Variants in FAM13A observed in about 807,000 individuals in gnomAD.
The protein encoded by FAM13A is family with sequence similarity 13 member A.
In FAM13A, 76 loss-of-function variants were observed where a neutral mutation model predicts 129.6. The observed-to-expected ratio is 0.59, with a 90% CI of 0.49 to 0.71. The LOEUF is 0.71. Among genes scored for constraint, FAM13A ranks in the 30% least tolerant of loss-of-function variants. FAM13A has a pLI of 0.00. For missense variants in FAM13A, 1,108 were observed against 1,249.3 expected (o/e 0.89, Z 1.70); for synonymous variants, 443 against 449.9 (o/e 0.98, Z 0.20).
At chr4:88,950,996 G>A (rs1483233749) in intron 4 of FAM13A, among the ~76,000 whole-genome samples, 2 of 152,204 alleles carry the variant, frequency 1.3e-5, no homozygotes, top group East Asian at 1.9e-4. Context: ...GTAAAGGGAG[G>A]TGGGGCTCAG....
At chr4:88,801,460 C>T (rs1364959602) in intron 8 of FAM13A, among the ~76,000 whole-genome samples, 1 of 152,184 alleles carries the variant, frequency 6.6e-6, no homozygotes. Flanking sequence ...TCAGTTTGCA[C>T]TGTGAGTATT....
At chr4:88,800,696 C>CAAAAAAAAAAAAAAAA (rs1185321303) in intron 8 of FAM13A, among the ~76,000 whole-genome samples, 1 of 54,086 alleles carries the variant, frequency 1.8e-5, no homozygotes, top group Non-Finnish European at 3.8e-5. Context: ...GAAACAAAAA[C>CAAAAAAAAAAAAAAAA]AAAAAAAAAA....
intron 10 of FAM13A, among the ~76,000 whole-genome samples, chr4:88,782,652 T>C (rs1314458873): frequency 6.6e-6 from 1 of 152,198 alleles, no homozygotes; most frequent in African/African-American, 2.4e-5. Context: ...TAACACTCCA[T>C]ATTTTAGTCT....
chr4:88,960,734 C>G (rs879217148), intron 4 of FAM13A, among the ~76,000 whole-genome samples: 9 of 152,090 alleles, frequency 5.9e-5, no homozygotes, highest in Admixed American at 2.0e-4. Flanking sequence ...GTGTGACAGG[C>G]ATTGTCTTTT....
intron 6 of FAM13A, among the ~76,000 whole-genome samples, chr4:88,860,285 G>T (rs576734360): frequency 6.6e-6 from 1 of 152,304 alleles, no homozygotes; most frequent in Middle Eastern, 3.4e-3. Context: ...AAATTAAGCA[G>T]CCCAGATTTC....
At chr4:88,934,034 T>C (rs1753464327) in intron 5 of FAM13A, among the ~76,000 whole-genome samples, 1 of 152,146 alleles carries the variant, frequency 6.6e-6, no homozygotes, top group African/African-American at 2.4e-5. Context: ...ACCAGGTATA[T>C]TCACATCTCA....
At chr4:88,993,039 A>C (rs913161735) in intron 3 of FAM13A, among the ~76,000 whole-genome samples, 85 of 152,336 alleles carry the variant, frequency 5.6e-4, no homozygotes, top group African/African-American at 1.9e-3. Flanking sequence ...CAAATCAGAC[A>C]CAGTGACATT....
chr4:89,018,996 AC>A (rs960367360), intron 3 of FAM13A, among the ~76,000 whole-genome samples: 12 of 152,342 alleles, frequency 7.9e-5, no homozygotes, highest in African/African-American at 2.9e-4. Context: ...CCTGGAGGTC[AC>A]CACGGGAGGC....
chr4:88,870,741 C>A (rs1335655284), intron 6 of FAM13A, among the ~76,000 whole-genome samples: 1 of 152,200 alleles, frequency 6.6e-6, no homozygotes, highest in Non-Finnish European at 1.5e-5. Context: ...CTTAAACGTC[C>A]CTGTCTGACA....
chr4:88,794,217 G>C (rs1725725451), intron 8 of FAM13A, among the ~76,000 whole-genome samples: 1 of 151,920 alleles, frequency 6.6e-6, no homozygotes, highest in South Asian at 2.1e-4. Flanking sequence ...TGGAAAGAAA[G>C]ATGCTCACTC....
intron 3 of FAM13A, among the ~76,000 whole-genome samples, chr4:89,002,943 A>G (rs1764454479): frequency 6.6e-6 from 1 of 152,192 alleles, no homozygotes; most frequent in Non-Finnish European, 1.5e-5. Context: ...AAAATAAATG[A>G]GGAAATTTCA....
chr4:89,051,650 C>T (rs1461786876), intron 1 of FAM13A, among the ~76,000 whole-genome samples: 1 of 152,060 alleles, frequency 6.6e-6, no homozygotes, highest in Non-Finnish European at 1.5e-5. Context: ...ACAATTCATA[C>T]TGAGGCAAAC....
chr4:88,934,091 A>C (rs1045599253), intron 5 of FAM13A, among the ~76,000 whole-genome samples: 3 of 152,052 alleles, frequency 2.0e-5, no homozygotes, highest in Non-Finnish European at 4.4e-5. Flanking sequence ...TCTTCTCTCA[A>C]GTGTCTTCAT....
At chr4:88,984,578 A>C (rs904872384) in intron 4 of FAM13A, among the ~76,000 whole-genome samples, 2 of 152,166 alleles carry the variant, frequency 1.3e-5, no homozygotes, top group Non-Finnish European at 2.9e-5. Flanking sequence ...AATCAAAACC[A>C]AAATGAAATA....
chr4:88,988,615 T>C (rs1762557846), intron 4 of FAM13A, among the ~76,000 whole-genome samples: 1 of 152,086 alleles, frequency 6.6e-6, no homozygotes. Context: ...CTTCAAATTG[T>C]ATGACTGAAA....
At chr4:89,001,601 C>G (rs1425094059) in intron 3 of FAM13A, among the ~76,000 whole-genome samples, 1 of 152,114 alleles carries the variant, frequency 6.6e-6, no homozygotes, top group African/African-American at 2.4e-5. Context: ...ATATCATATG[C>G]TTGTTATGGA....
chr4:88,853,828 G>A (rs1738029353), intron 6 of FAM13A, among the ~76,000 whole-genome samples: 2 of 152,240 alleles, frequency 1.3e-5, no homozygotes, highest in Non-Finnish European at 1.5e-5. Context: ...AGCAGGCAGA[G>A]GAACGTGGAA....
intron 5 of FAM13A, among the ~76,000 whole-genome samples, chr4:88,927,205 T>A (rs558745239): frequency 4.2e-4 from 64 of 152,216 alleles, no homozygotes; most frequent in Non-Finnish European, 5.0e-4. Flanking sequence ...ATGTATATTT[T>A]TTTTTTTGTA....
intron 4 of FAM13A, among the ~76,000 whole-genome samples, chr4:88,976,943 T>C (rs1054058324): frequency 1.3e-5 from 2 of 152,196 alleles, no homozygotes; most frequent in African/African-American, 4.8e-5. Flanking sequence ...CAATAGTCTA[T>C]ACCATATAGC....
Sources: gnomAD v4.1 joint callset for allele counts (sites outside exome capture counted in the v4.1 genomes callset) on GRCh38, gnomAD v4.1.1 for gene constraint, MANE v1.5 for transcripts, NCBI Gene and HGNC (gene_info 2026-07-23, HGNC 2026-07-21) for gene names.